CTNND2: variants seen among roughly 807,000 people sequenced by gnomAD.
The protein encoded by CTNND2 is catenin delta 2.
A neutral mutation model predicts 144.4 loss-of-function variants in CTNND2; 22 were observed. The observed-to-expected ratio is 0.15, with a 90% CI of 0.11 to 0.22. The LOEUF is 0.22. Ranked by LOEUF, CTNND2 falls within the 10% of genes least tolerant of loss-of-function variation. The pLI is 1.00. For synonymous variants in CTNND2, 751 were observed against 695.6 expected (o/e 1.08, Z -1.25); for missense variants, 1,353 against 1,618.8 (o/e 0.84, Z 2.82).
intron 3 of CTNND2, among the ~76,000 whole-genome samples, chr5:11,502,568 C>G (rs1378342937): frequency 6.6e-6 from 1 of 152,148 alleles, no homozygotes; most frequent in Non-Finnish European, 1.5e-5. Context: ...TGGAAGACAT[C>G]TTCCACAGCA....
intron 9 of CTNND2, among the ~76,000 whole-genome samples, chr5:11,306,409 G>A (rs1750208904): frequency 2.0e-5 from 3 of 152,150 alleles, no homozygotes. Flanking sequence ...CTTCCATCAA[G>A]GCTGTTAGAA....
At position 11,538,326 on chromosome 5, in the gene CTNND2, T is replaced by G. The variant is rs534263322; in HGVS notation, c.287+26618A>C. On this transcript the variant is annotated intron_variant, in intron 3 of 21. Coordinates refer to ENST00000304623, the MANE Select transcript of CTNND2 (RefSeq NM_001332.4). ...CTCAGCAAAGCATACCAACCTCTGC[T>G]TGTTGTGGAATAATTTTCCGTCAAC... 9.5e-4 allele frequency among the ~76,000 whole-genome samples: 145 copies of G among 152,300 alleles called. 1 individual carries two copies. Among genetic ancestry groups the G allele is most frequent in the Non-Finnish European group, 8.8e-4 (60 of 68,012 alleles).
At chr5:11,502,236 GAAGTCC>G (rs539513731) in intron 3 of CTNND2, among the ~76,000 whole-genome samples, 44 of 152,228 alleles carry the variant, frequency 2.9e-4, no homozygotes, top group African/African-American at 1.0e-3. Flanking sequence ...AATTTGCTAT[GAAGTCC>G]AAGCTGACTA....
At position 11,877,054 on chromosome 5, in the gene CTNND2, G is replaced by A. The variant is rs371821408; in HGVS notation, c.37+26763C>T. ...TATAGCAATGACTGAGGTTAAAGAAGTGCTGTTAGCAGATATTCTTTTATT... is the reference window on the plus strand; with the variant it reads ...TATAGCAATGACTGAGGTTAAAGAAATGCTGTTAGCAGATATTCTTTTATT... On this transcript the variant is annotated intron_variant, in intron 1 of 21. Coordinates refer to ENST00000304623, the MANE Select transcript of CTNND2 (RefSeq NM_001332.4). Among the ~76,000 whole-genome samples, 24 of 152,226 alleles carry A rather than the reference G, an allele frequency of 1.6e-4. No homozygotes were observed. In the East Asian group the frequency reaches 4.2e-3, roughly 27 times the overall value.
chr5:11,282,857 T>C (rs1271608973), intron 9 of CTNND2, among the ~76,000 whole-genome samples: 3 of 152,246 alleles, frequency 2.0e-5, no homozygotes, highest in East Asian at 1.9e-4. Context: ...GCCCTGGCTA[T>C]TTATTGTACC....
chr5:11,643,543 T>C (rs1224407740), intron 2 of CTNND2, among the ~76,000 whole-genome samples: 1 of 151,986 alleles, frequency 6.6e-6, no homozygotes, highest in African/African-American at 2.4e-5. Flanking sequence ...GCTTCATCCA[T>C]GTCCCTACAA....
chr5:11,719,829 CAT>C (rs1416193495), intron 2 of CTNND2, among the ~76,000 whole-genome samples: 30 of 121,452 alleles, frequency 2.5e-4, no homozygotes, highest in East Asian at 1.7e-3. Flanking sequence ...GTAGCTCTGA[CAT>C]ATACACACAC....
intron 9 of CTNND2, among the ~76,000 whole-genome samples, chr5:11,301,683 G>A (rs1430806002): frequency 6.6e-6 from 1 of 152,158 alleles, no homozygotes; most frequent in Non-Finnish European, 1.5e-5. Flanking sequence ...AGGACGGTTT[G>A]CAAGCAGACA....
At chr5:10,977,848 G>T (rs1402657921) in intron 21 of CTNND2, among the ~76,000 whole-genome samples, 1 of 152,184 alleles carries the variant, frequency 6.6e-6, no homozygotes, top group Non-Finnish European at 1.5e-5. Flanking sequence ...GTTTCTTCTA[G>T]GAGGCTTTAA....
At chr5:11,838,059 A>G (rs1447806792) in intron 1 of CTNND2, among the ~76,000 whole-genome samples, 1 of 152,162 alleles carries the variant, frequency 6.6e-6, no homozygotes, top group East Asian at 1.9e-4. Context: ...TGCCAGGACA[A>G]TCAATTTTAC....
chr5:11,021,630 T>C (rs1198805949), intron 17 of CTNND2, among the ~76,000 whole-genome samples: 1 of 152,134 alleles, frequency 6.6e-6, no homozygotes, highest in Non-Finnish European at 1.5e-5. Context: ...AAATGCAAAA[T>C]TGTTGATTGA....
At chr5:11,855,367 G>C (rs929923798) in intron 1 of CTNND2, among the ~76,000 whole-genome samples, 25 of 152,142 alleles carry the variant, frequency 1.6e-4, no homozygotes, top group Non-Finnish European at 3.1e-4. Context: ...GAAAAACAGA[G>C]ACCAATTGTA....
At chr5:11,254,734 G>A (rs1489721439) in intron 9 of CTNND2, among the ~76,000 whole-genome samples, 1 of 152,182 alleles carries the variant, frequency 6.6e-6, no homozygotes, top group Non-Finnish European at 1.5e-5. Context: ...TTCTGAGCTA[G>A]GAGAAACAGG....
At chr5:11,127,743 C>T (rs1157514091) in intron 12 of CTNND2, among the ~76,000 whole-genome samples, 11 of 152,150 alleles carry the variant, frequency 7.2e-5, no homozygotes, top group African/African-American at 1.7e-4. Context: ...GGTTCACAGA[C>T]GGAGAGAAGT....
intron 14 of CTNND2, among the ~76,000 whole-genome samples, chr5:11,109,245 G>A (rs75975104): frequency 0.17 from 26,173 of 152,106 alleles, 2,669 homozygotes; most frequent in South Asian, 0.25. Flanking sequence ...ACAGGAGCTC[G>A]TAGTCTGGTG....
At chr5:11,204,743 G>A (rs1737861091) in intron 10 of CTNND2, among the ~76,000 whole-genome samples, 1 of 152,092 alleles carries the variant, frequency 6.6e-6, no homozygotes, top group African/African-American at 2.4e-5. Flanking sequence ...TGATAATGAT[G>A]ATGTATAGTG....
intron 8 of CTNND2, among the ~76,000 whole-genome samples, chr5:11,361,743 T>C (rs1239772508): frequency 1.3e-5 from 2 of 152,244 alleles, no homozygotes; most frequent in Non-Finnish European, 2.9e-5. Flanking sequence ...CAGCCCTTTA[T>C]TCTTCATCCT....
At chr5:11,276,841 G>T (rs1476281782) in intron 9 of CTNND2, among the ~76,000 whole-genome samples, 1 of 151,404 alleles carries the variant, frequency 6.6e-6, no homozygotes, top group Non-Finnish European at 1.5e-5. Flanking sequence ...GTGGAGATTG[G>T]AGTGGTGAGG....
chr5:11,098,510 A>G (rs1751578735), intron 15 of CTNND2, 65 bp downstream of exon 15: 3 of 1,415,122 alleles, frequency 2.1e-6, no homozygotes, highest in Non-Finnish European at 2.9e-6. Context: ...AACTGGACTT[A>G]TATTGTTTTC....
Sources: allele counts gnomAD v4.1 joint callset (sites outside exome capture counted in the v4.1 genomes callset), GRCh38; gene constraint gnomAD v4.1.1; transcripts MANE v1.5; gene names NCBI Gene and HGNC (gene_info 2026-07-23, HGNC 2026-07-21).